PLCXD3: variants seen among roughly 807,000 people sequenced by gnomAD.
PLCXD3 encodes the protein phosphatidylinositol specific phospholipase C X domain containing 3.
Under a neutral mutation model 25.5 loss-of-function variants are expected in PLCXD3, and 19 were observed. That is an observed-to-expected ratio of 0.75 (90% CI 0.52 to 1.09). PLCXD3 has a LOEUF of 1.09. Ranked by LOEUF, PLCXD3 falls within the 50% of genes least tolerant of loss-of-function variation. PLCXD3 has a pLI of 0.00. For missense variants in PLCXD3, 411 were observed against 388.1 expected (o/e 1.06, Z -0.50); for synonymous variants, 174 against 137.6 (o/e 1.26, Z -1.85).
intron 1 of PLCXD3, among the ~76,000 whole-genome samples, chr5:41,392,353 G>C (rs1561257577): frequency 6.7e-6 from 1 of 149,480 alleles, no homozygotes; most frequent in East Asian, 1.9e-4. Context: ...GAGAGAGAGA[G>C]AAAGAGAGAG....
At chr5:41,493,050 A>G (rs1475228672) in intron 1 of PLCXD3, among the ~76,000 whole-genome samples, 1 of 151,730 alleles carries the variant, frequency 6.6e-6, no homozygotes, top group Non-Finnish European at 1.5e-5. Context: ...TTTTTTCCCC[A>G]TCTTTGTGGT....
intron 1 of PLCXD3, among the ~76,000 whole-genome samples, chr5:41,430,270 T>C (rs766979731): frequency 5.1e-4 from 77 of 152,168 alleles, no homozygotes; most frequent in African/African-American, 9.4e-4. Context: ...AGTAAATACA[T>C]ACATTTTATT....
At chr5:41,333,265 C>A (rs1377865263) in intron 2 of PLCXD3, among the ~76,000 whole-genome samples, 1 of 151,998 alleles carries the variant, frequency 6.6e-6, no homozygotes, top group African/African-American at 2.4e-5. Context: ...AGCAACTGAG[C>A]CCCCACAGAC....
chr5:41,348,101 C>T (rs1428586103), intron 2 of PLCXD3, among the ~76,000 whole-genome samples: 2 of 152,136 alleles, frequency 1.3e-5, no homozygotes, highest in Non-Finnish European at 2.9e-5. Context: ...CATGGAATTC[C>T]TTATTGTAAA....
At chr5:41,384,150 T>C (rs191100629) in intron 1 of PLCXD3, among the ~76,000 whole-genome samples, 43 of 152,240 alleles carry the variant, frequency 2.8e-4, no homozygotes, top group Admixed American at 2.4e-3. Flanking sequence ...TTTAATTTAA[T>C]CTGAAACTGC....
At chr5:41,476,968 T>G (rs1445047464) in intron 1 of PLCXD3, among the ~76,000 whole-genome samples, 2 of 152,210 alleles carry the variant, frequency 1.3e-5, no homozygotes, top group Non-Finnish European at 2.9e-5. Flanking sequence ...GTAGTTTCCA[T>G]AGATAGTCAT....
intron 2 of PLCXD3, among the ~76,000 whole-genome samples, chr5:41,371,968 A>C (rs1166505087): frequency 6.6e-6 from 1 of 152,062 alleles, no homozygotes; most frequent in Non-Finnish European, 1.5e-5. Flanking sequence ...ATTCCAAACG[A>C]ATCTCCCTTT....
chr5:41,499,666 G>T (rs1301195739), intron 1 of PLCXD3, among the ~76,000 whole-genome samples: 1 of 151,558 alleles, frequency 6.6e-6, no homozygotes, highest in Non-Finnish European at 1.5e-5. Context: ...GAACCACATA[G>T]GACTCCAAAA....
intron 1 of PLCXD3, among the ~76,000 whole-genome samples, chr5:41,409,391 A>G (rs1746451026): frequency 6.6e-6 from 1 of 152,104 alleles, no homozygotes; most frequent in African/African-American, 2.4e-5. Flanking sequence ...TAGCCCCTGC[A>G]CTTGGTAATC....
In PLCXD3 at chr5:41,352,301, G is replaced by A. The variant is rs539496410; in HGVS notation, c.812+29525C>T. Among the ~76,000 whole-genome samples, 3 of 152,166 alleles carry A rather than the reference G, an allele frequency of 2.0e-5. No individual in the cohort carries two copies. In the East Asian group the frequency reaches 5.8e-4, roughly 29 times the overall value. The stretch of plus-strand genomic sequence containing the variant: ...TCCTTGCCTATTTCATTCTTCCTCC[G>A]ACTTGCATATAGTATTCTTTCTGCC... On this transcript the variant is annotated intron_variant, in intron 2 of 2. Transcript: ENST00000377801.
intron 2 of PLCXD3, among the ~76,000 whole-genome samples, chr5:41,320,943 A>G (rs1743451071): frequency 6.6e-6 from 1 of 152,274 alleles, no homozygotes; most frequent in Admixed American, 6.5e-5. Context: ...TAGAATGAAC[A>G]TATCTAAACA....
chr5:41,471,729 A>G (rs935801662), intron 1 of PLCXD3, among the ~76,000 whole-genome samples: 6 of 152,032 alleles, frequency 3.9e-5, no homozygotes, highest in African/African-American at 1.4e-4. Context: ...CTTACATATA[A>G]AGGCTAAATG....
At position 41,400,880 on chromosome 5, in the gene PLCXD3, C is replaced by T. The variant is rs575902401; in HGVS notation, c.104-18346G>A. Among the ~76,000 whole-genome samples the T allele has an allele frequency of 5.9e-5, 9 of 152,006 alleles. No individual in the cohort carries two copies. The South Asian group carries it at 6.2e-4, about 11-fold the overall frequency. ...GTTTGTAACTCAAAGGATAACTGTT[C>T]GAGGGGAAGGATACCTCATTCTCTA... On this transcript the variant is annotated intron_variant, in intron 1 of 2. Coordinates refer to ENST00000377801, the MANE Select transcript of PLCXD3 (RefSeq NM_001005473.3).
intron 2 of PLCXD3, among the ~76,000 whole-genome samples, chr5:41,378,641 A>T (rs77021343): frequency 0.043 from 6,613 of 152,204 alleles, 187 homozygotes; most frequent in Non-Finnish European, 0.061. Flanking sequence ...TCTGAACAAA[A>T]TTTAAGTGCT....
intron 2 of PLCXD3, among the ~76,000 whole-genome samples, chr5:41,367,458 C>T (rs1442653027): frequency 6.6e-6 from 1 of 152,034 alleles, no homozygotes; most frequent in East Asian, 1.9e-4. Context: ...AGTGTCTGTT[C>T]ATCATGTCCT....
chr5:41,380,053 TG>T (rs1469670302), intron 2 of PLCXD3, among the ~76,000 whole-genome samples: 5 of 152,042 alleles, frequency 3.3e-5, no homozygotes, highest in Admixed American at 3.3e-4. Flanking sequence ...TCCAATGACT[TG>T]GAGTTTTCAC....
chr5:41,393,536 G>A (rs1409187544), intron 1 of PLCXD3, among the ~76,000 whole-genome samples: 5 of 152,146 alleles, frequency 3.3e-5, no homozygotes, highest in Admixed American at 6.5e-5. Context: ...TTTAATTCAC[G>A]CCAGACCCAC....
chr5:41,344,280 T>C (rs1744243866), intron 2 of PLCXD3, among the ~76,000 whole-genome samples: 1 of 152,106 alleles, frequency 6.6e-6, no homozygotes, highest in Admixed American at 6.5e-5. Flanking sequence ...AAGTCATCCA[T>C]CCAGAAATGC....
intron 1 of PLCXD3, among the ~76,000 whole-genome samples, chr5:41,453,375 C>T (rs762376035): frequency 7.3e-5 from 11 of 150,384 alleles, no homozygotes; most frequent in East Asian, 2.0e-4. Flanking sequence ...TTTTAATGAC[C>T]GCATGGCAAT....
Sources: allele counts gnomAD v4.1 joint callset (sites outside exome capture counted in the v4.1 genomes callset), GRCh38; gene constraint gnomAD v4.1.1; transcripts MANE v1.5; gene names NCBI Gene and HGNC (gene_info 2026-07-23, HGNC 2026-07-21).